Variants in VPS13B observed in about 807,000 individuals in gnomAD.
VPS13B encodes vacuolar protein sorting 13 homolog B.
Under a neutral mutation model 426.4 loss-of-function variants are expected in VPS13B, and 285 were observed. The observed-to-expected ratio is 0.67, with a 90% confidence interval of 0.61 to 0.74. The LOEUF (loss-of-function observed/expected upper bound fraction) is 0.74. Ranked by LOEUF, VPS13B falls within the 30% of genes least tolerant of loss-of-function variation. The pLI, the probability that VPS13B is intolerant of heterozygous loss-of-function variation, is 0.00. For missense variants in VPS13B, 4,537 were observed against 4,782.6 expected, an observed-to-expected ratio of 0.95 and a Z score of 1.51; for synonymous variants, 1,676 against 1,676.4, an observed-to-expected ratio of 1.00 and a Z score of 0.01.
chr8:99,552,578 T>G (rs767303453), intron 30 of VPS13B, among the ~76,000 whole-genome samples: 1 of 124,712 alleles, frequency 8.0e-6, no homozygotes, highest in African/African-American at 3.3e-5. Flanking sequence ...TTTTATTTTG[T>G]TTTTTTTTTT....
chr8:99,516,553 C>T (rs1438173344), intron 29 of VPS13B, among the ~76,000 whole-genome samples: 1 of 151,782 alleles, frequency 6.6e-6, no homozygotes, highest in Admixed American at 6.6e-5. Flanking sequence ...CTTTGGGAGG[C>T]CAAAGCAGGC....
intron 19 of VPS13B, among the ~76,000 whole-genome samples, chr8:99,319,080 A>C (rs186010541): frequency 6.6e-6 from 1 of 152,314 alleles, no homozygotes; most frequent in East Asian, 1.9e-4. Context: ...TAATCTTATT[A>C]AGGGAGAAAT....
At chr8:99,558,872 G>A (rs546397536) in intron 31 of VPS13B, among the ~76,000 whole-genome samples, 2,121 of 152,196 alleles carry the variant, frequency 0.014, 50 homozygotes, top group African/African-American at 0.047. Context: ...ATAAACATAC[G>A]TGTGCATGTG....
rs774113287 is a variant in VPS13B, at chr8:99,135,055, G to A, written c.1343G>A (p.Gly448Glu). 1.1e-5 allele frequency: 17 copies of A among 1,613,402 alleles called. No homozygotes were observed. Among genetic ancestry groups the A allele is most frequent in the Admixed American group, 3.3e-5 (2 of 59,980 alleles). The change falls in exon 10 of 62, where the codon GGG (glycine) becomes GAG (glutamate). Residue 448 changes from glycine (G) to glutamate (E), a missense_variant. Coordinates refer to ENST00000357162, the MANE Select transcript of VPS13B (RefSeq NM_152564.5). ...GAACCTTTCTTTGATTGCCAGATTG[G>A]GTTTGTTGGTTGCAGAGCCATGTGC... ...MGEPFFDCQIGFVGCRAMCLK... is the reference protein window; with the variant it reads ...MGEPFFDCQIEFVGCRAMCLK...
At chr8:99,852,514 G>C (rs945889125) in intron 55 of VPS13B, among the ~76,000 whole-genome samples, 18 of 152,192 alleles carry the variant, frequency 1.2e-4, no homozygotes, top group Admixed American at 1.2e-3. Flanking sequence ...GCTGAGAGAA[G>C]ACAGGAAAGA....
intron 33 of VPS13B, among the ~76,000 whole-genome samples, chr8:99,639,523 A>C (rs1334946249): frequency 1.3e-5 from 2 of 152,018 alleles, no homozygotes. Flanking sequence ...TAACAATGTG[A>C]CTTTCTCAAC....
chr8:99,233,765 CCTT>C, intron 17 of VPS13B: 1 of 779,206 alleles, frequency 1.3e-6, no homozygotes, highest in East Asian at 2.4e-5. Flanking sequence ...CACATTTCTG[CCTT>C]CTTTTCCAAT....
intron 30 of VPS13B, among the ~76,000 whole-genome samples, chr8:99,543,416 T>A (rs1407302994): frequency 6.6e-6 from 1 of 151,500 alleles, no homozygotes; most frequent in African/African-American, 2.4e-5. Context: ...GGACTTCATG[T>A]CTAAAACACC....
chr8:99,142,678 C>G (rs1204180805), intron 12 of VPS13B, among the ~76,000 whole-genome samples: 2 of 152,076 alleles, frequency 1.3e-5, no homozygotes, highest in Non-Finnish European at 2.9e-5. Flanking sequence ...TATAGAATTA[C>G]TAGATATAAG....
chr8:99,569,058 G>A lies in VPS13B; in HGVS notation c.4950-6600G>A, dbSNP rs541894546. Reference sequence around the variant, plus strand: ...AGGATGGTCTCGATCTCCTGACCTCGTGATCCGCCTGCCTCGGCCTCCCAA... The same window carrying A: ...AGGATGGTCTCGATCTCCTGACCTCATGATCCGCCTGCCTCGGCCTCCCAA... On this transcript the variant is annotated intron_variant, in intron 31 of 61. Coordinates refer to ENST00000357162, the MANE Select transcript of VPS13B (RefSeq NM_152564.5). 3.3e-5 allele frequency among the ~76,000 whole-genome samples: 5 copies of A among 151,884 alleles called. No homozygotes were observed. The South Asian group carries it at 6.3e-4, about 19-fold the overall frequency.
At position 99,115,787 on chromosome 8, in the gene VPS13B, C is replaced by CT; in HGVS notation, c.853dup (p.Tyr285LeufsTer9). ...TCGTATAATGCAACTTGGAATTGCTCTTTACTATGGAGAAATAGGCAATTT... is the reference window on the plus strand; with the variant it reads ...TCGTATAATGCAACTTGGAATTGCTCTTTTACTATGGAGAAATAGGCAATTT... On this transcript the variant is annotated frameshift_variant, in exon 7 of 62. Transcript: ENST00000357162. LOFTEE classifies it high-confidence loss of function. 1 of 1,613,648 alleles carries CT rather than the reference C, an allele frequency of 6.2e-7. No individual in the cohort carries two copies. Among genetic ancestry groups the CT allele is most frequent in the Non-Finnish European group, 8.5e-7 (1 of 1,179,814 alleles).
intron 23 of VPS13B, among the ~76,000 whole-genome samples, chr8:99,451,462 A>G (rs1387810928): frequency 6.6e-6 from 1 of 152,210 alleles, no homozygotes; most frequent in Non-Finnish European, 1.5e-5. Flanking sequence ...GAGTAGTGCA[A>G]TAAATAGTCC....
chr8:99,678,823 A>C (rs186834171), intron 35 of VPS13B, among the ~76,000 whole-genome samples: 1 of 152,340 alleles, frequency 6.6e-6, no homozygotes. Flanking sequence ...TCATTCAAAA[A>C]AGCAGGATAA....
intron 25 of VPS13B, among the ~76,000 whole-genome samples, chr8:99,495,839 C>T (rs1820853832): frequency 6.6e-6 from 1 of 152,042 alleles, no homozygotes; most frequent in Non-Finnish European, 1.5e-5. Context: ...TTATTCTTAG[C>T]TTATTAATAT....
intron 2 of VPS13B, among the ~76,000 whole-genome samples, chr8:99,017,323 T>C (rs1194950383): frequency 6.6e-6 from 1 of 152,190 alleles, no homozygotes; most frequent in Non-Finnish European, 1.5e-5. Context: ...CTGAACTCTT[T>C]ATTCTATTGA....
At chr8:99,088,196 A>G (rs1845947646) in intron 3 of VPS13B, among the ~76,000 whole-genome samples, 2 of 151,970 alleles carry the variant, frequency 1.3e-5, no homozygotes, top group African/African-American at 4.8e-5. Flanking sequence ...AAAAAAAAAA[A>G]AAAAAAATTG....
At chr8:99,083,296 C>T (rs1845587699) in intron 3 of VPS13B, among the ~76,000 whole-genome samples, 1 of 152,142 alleles carries the variant, frequency 6.6e-6, no homozygotes, top group Non-Finnish European at 1.5e-5. Context: ...GTGATTTTTG[C>T]ACATTGATTT....
chr8:99,296,009 G>A (rs1820018007), intron 19 of VPS13B, among the ~76,000 whole-genome samples: 1 of 151,982 alleles, frequency 6.6e-6, no homozygotes, highest in Non-Finnish European at 1.5e-5. Flanking sequence ...CTCCATCCTG[G>A]GCAATACAGT....
At chr8:99,310,817 G>A (rs974663483) in intron 19 of VPS13B, among the ~76,000 whole-genome samples, 1 of 151,254 alleles carries the variant, frequency 6.6e-6, no homozygotes, top group Non-Finnish European at 1.5e-5. Flanking sequence ...CATTTGGTTG[G>A]TAGGCTATTA....
Sources: gnomAD v4.1 joint callset for allele counts (sites outside exome capture counted in the v4.1 genomes callset) on GRCh38, gnomAD v4.1.1 for gene constraint, MANE v1.5 for transcripts, NCBI Gene and HGNC (gene_info 2026-07-23, HGNC 2026-07-21) for gene names.